The following HMCN1 variants were observed in gnomAD, a reference collection of about 807,000 sequenced individuals.
HMCN1 encodes hemicentin-1.
HMCN1 carries 321 observed loss-of-function variants against 625.9 expected under a neutral mutation model. The ratio of observed to expected loss-of-function variants is 0.51; its 90% confidence interval spans 0.47 to 0.56. HMCN1 has a LOEUF of 0.56. Among genes scored for constraint, HMCN1 ranks in the 20% least tolerant of loss-of-function variants. The probability of loss-of-function intolerance (pLI) is 0.00; values close to 1 mark genes in which losing one functional copy is unlikely to be tolerated. For synonymous variants in HMCN1, 2,425 were observed against 2,417.6 expected (o/e 1.00, Z -0.09); for missense variants, 6,588 against 6,887.3 (o/e 0.96, Z 1.54).
In HMCN1 at chr1:186,153,858, G is replaced by A. The variant is rs769706639; in HGVS notation, c.15127G>A (p.Val5043Ile). ...CATCCCATACACATGGAACCACACCGTTTTCTATGATCAGGCACAGGGAAG... is the reference window on the plus strand; with the variant it reads ...CATCCCATACACATGGAACCACACCATTTTCTATGATCAGGCACAGGGAAG... ...ISIPYTWNHT[V>I]FYDQAQGRMP... The change falls in exon 97 of 107, where the codon GTT becomes ATT. Residue 5043 changes from valine to isoleucine, a missense_variant. By Grantham distance (29) the Val-to-Ile change is conservative. Around this residue, in one of 3 missense-constraint regions of HMCN1, gnomAD observed 1,954 missense variants for 2,013.1 expected, o/e 0.97. Coordinates refer to ENST00000271588, the MANE Select transcript of HMCN1 (RefSeq NM_031935.3). 3.2e-5 allele frequency: 51 copies of A among 1,613,972 alleles called. No homozygotes were observed. The East Asian group carries it at 3.3e-4, about 11-fold the overall frequency.
intron 68 of HMCN1, among the ~76,000 whole-genome samples, chr1:186,097,062 A>C (rs1180370673): frequency 2.6e-5 from 4 of 152,138 alleles, no homozygotes; most frequent in Non-Finnish European, 4.4e-5. Flanking sequence ...AAAAAATAAA[A>C]GACATCCAAA....
intron 46 of HMCN1, among the ~76,000 whole-genome samples, chr1:186,059,979 T>C (rs984883920): frequency 6.6e-6 from 1 of 152,082 alleles, no homozygotes; most frequent in African/African-American, 2.4e-5. Flanking sequence ...CATATTATGA[T>C]CTCACTAATC....
chr1:186,138,603 C>G (rs1652441954), intron 89 of HMCN1, among the ~76,000 whole-genome samples: 1 of 152,156 alleles, frequency 6.6e-6, no homozygotes, highest in Admixed American at 6.6e-5. Context: ...TGGCTTTATT[C>G]TCTATTAAAC....
intron 1 of HMCN1, among the ~76,000 whole-genome samples, chr1:185,753,721 G>A (rs1329499324): frequency 6.6e-6 from 1 of 152,154 alleles, no homozygotes; most frequent in East Asian, 1.9e-4. Flanking sequence ...TAACAAGAAT[G>A]AGATATCAAC....
At chr1:185,867,900 C>T (rs1277071533) in intron 4 of HMCN1, among the ~76,000 whole-genome samples, 3 of 151,996 alleles carry the variant, frequency 2.0e-5, no homozygotes, top group African/African-American at 7.3e-5. Flanking sequence ...GAAAACCCGT[C>T]TCTACTAAAA....
intron 68 of HMCN1, among the ~76,000 whole-genome samples, chr1:186,100,085 G>A (rs1660317111): frequency 6.6e-6 from 1 of 151,952 alleles, no homozygotes; most frequent in Non-Finnish European, 1.5e-5. Flanking sequence ...CGGGGAGAAA[G>A]AACTCAGGAG....
chr1:185,788,941 C>G (rs1490229689), intron 1 of HMCN1, among the ~76,000 whole-genome samples: 1 of 151,876 alleles, frequency 6.6e-6, no homozygotes, highest in Non-Finnish European at 1.5e-5. Context: ...TTTGACTAAC[C>G]CAAGGTTTTC....
Position 185,922,429 on chromosome 1 carries a change from T to C in HMCN1, c.951T>C (p.Ile317=), listed in dbSNP as rs1331368199. 5.0e-6 allele frequency: 8 copies of C among 1,613,740 alleles called. No homozygotes were observed. The highest frequency in any genetic ancestry group is 6.8e-6 in the Non-Finnish European group (8 of 1,179,856). Residue 317 remains isoleucine (I), a synonymous_variant, in exon 7 of 107, where the codon ATT becomes ATC. Coordinates refer to ENST00000271588, the MANE Select transcript of HMCN1 (RefSeq NM_031935.3). Reference sequence around the variant, plus strand: ...TTCGCATTACTGGCCTCAGTACTATTGATTTCCGAGCTGGCTTTTCTCGAA... The same window carrying C: ...TTCGCATTACTGGCCTCAGTACTATCGATTTCCGAGCTGGCTTTTCTCGAA... ...HSVRITGLST[I]DFRAGFSRKP... is the part of the protein sequence containing the mutation.
At chr1:186,071,164 A>T (rs780000579) in intron 52 of HMCN1, among the ~76,000 whole-genome samples, 8 of 152,212 alleles carry the variant, frequency 5.3e-5, no homozygotes, top group Non-Finnish European at 1.0e-4. Flanking sequence ...AAGAAGCAAC[A>T]CATAAATGTT....
chr1:186,157,845 G>A (rs1389297822), intron 97 of HMCN1, among the ~76,000 whole-genome samples: 3 of 152,004 alleles, frequency 2.0e-5, no homozygotes, highest in Non-Finnish European at 4.4e-5. Flanking sequence ...TATCATTGTT[G>A]GACATTTGGG....
chr1:185,753,337 A>G (rs1376113030), intron 1 of HMCN1, among the ~76,000 whole-genome samples: 1 of 152,034 alleles, frequency 6.6e-6, no homozygotes, highest in Non-Finnish European at 1.5e-5. Flanking sequence ...TTCATTCCCA[A>G]TATTACTTGT....
intron 42 of HMCN1, among the ~76,000 whole-genome samples, chr1:186,050,746 A>C (rs532350044): frequency 6.6e-6 from 1 of 152,178 alleles, no homozygotes; most frequent in Admixed American, 6.6e-5. Flanking sequence ...AAAAGTTGAG[A>C]CATCAAAGAT....
chr1:186,159,056 C>T (rs1651243891), intron 97 of HMCN1, among the ~76,000 whole-genome samples: 1 of 151,934 alleles, frequency 6.6e-6, no homozygotes, highest in Non-Finnish European at 1.5e-5. Flanking sequence ...ATTCTTCCTA[C>T]CCATGAGCAT....
chr1:186,088,270 C>A lies in HMCN1; in HGVS notation c.9571C>A (p.Arg3191Ser). ...GATAGCATGGTTAAAGAACCACAAG[C>A]GCATAGGTAAGGCAACCATGCATTT... is the stretch of plus-strand genomic sequence containing the variant. The part of the protein sequence containing the change: ...PTIAWLKNHK[R>S]IENSDSLEVR... Residue 3191 changes from arginine to serine, a missense_variant, in exon 62 of 107, where the codon CGC (arginine) becomes AGC (serine). Physicochemically the swap from Arg to Ser is moderately radical, Grantham distance 110 (BLOSUM62 -1). Transcript: ENST00000271588. 2 of 1,612,594 alleles carry A rather than the reference C, an allele frequency of 1.2e-6. No homozygotes were observed. Among genetic ancestry groups the A allele is most frequent in the Non-Finnish European group, 8.5e-7 (1 of 1,179,098 alleles).
At position 185,977,894 on chromosome 1, in the gene HMCN1, C is replaced by T; in HGVS notation, c.2479C>T (p.Arg827Ter). The stretch of plus-strand genomic sequence containing the variant: ...TTATCCAGAACCAACAATCAAATGG[C>T]GAAGATTAGACAACATGCCAATTTT... ...QGYPEPTIKW[R>*]RLDNMPIFSR... The change falls in exon 16 of 107, where the codon CGA (arginine) becomes TGA (stop). Residue 827 changes from arginine to a stop codon, truncating the protein, a stop_gained. Transcript: ENST00000271588. LOFTEE classifies it high-confidence loss of function. 5.0e-6 allele frequency: 8 copies of T among 1,613,122 alleles called. No homozygotes were observed. Among genetic ancestry groups the T allele is most frequent in the Non-Finnish European group, 5.9e-6 (7 of 1,179,372 alleles).
At chr1:186,036,489 G>A (rs12144523) in intron 36 of HMCN1, among the ~76,000 whole-genome samples, 84,894 of 151,918 alleles carry the variant, frequency 0.56, 23,971 homozygotes, top group African/African-American at 0.63. Flanking sequence ...GGAGGAAACC[G>A]CTCCCATGAT....
chr1:186,014,265 A>G (rs1403247755), intron 30 of HMCN1, among the ~76,000 whole-genome samples: 1 of 151,728 alleles, frequency 6.6e-6, no homozygotes, highest in Non-Finnish European at 1.5e-5. Context: ...AAAAGTTTGT[A>G]AGATTATATT....
chr1:186,074,027 C>T (rs1339180663), intron 52 of HMCN1, among the ~76,000 whole-genome samples: 2 of 151,618 alleles, frequency 1.3e-5, no homozygotes, highest in African/African-American at 4.8e-5. Flanking sequence ...ATTGAAATCA[C>T]CAAGAGTTAT....
intron 96 of HMCN1, 32 bp downstream of exon 96, chr1:186,152,903 T>C: frequency 6.2e-7 from 1 of 1,612,434 alleles, no homozygotes. Context: ...TCTTTGCTGC[T>C]TATTAGAGTA....
Sources: gnomAD v4.1 joint callset for allele counts (sites outside exome capture counted in the v4.1 genomes callset) on GRCh38, gnomAD v4.1.1 for gene constraint, gnomAD v4.1.1 regional missense constraint, MANE v1.5 for transcripts, NCBI Gene and HGNC (gene_info 2026-07-23, HGNC 2026-07-21) for gene names.